ZNF821: variants seen among roughly 807,000 people sequenced by gnomAD.
ZNF821 encodes zinc finger protein 821.
In ZNF821, 16 loss-of-function variants were observed where a neutral mutation model predicts 44.3. That is an observed-to-expected ratio of 0.36 (90% CI 0.24 to 0.55). The LOEUF is 0.55. ZNF821 is among the 20% of genes least tolerant of loss of function. ZNF821 has a pLI of 0.86. For missense variants in ZNF821, 436 were observed against 547.6 expected, an observed-to-expected ratio of 0.80 and a Z score of 2.03; for synonymous variants, 204 against 197.6, an observed-to-expected ratio of 1.03 and a Z score of -0.27.
intron 3 of ZNF821, among the ~76,000 whole-genome samples, chr16:71,878,288 T>C (rs1218125722): frequency 6.6e-6 from 1 of 151,850 alleles, no homozygotes; most frequent in Non-Finnish European, 1.5e-5. Flanking sequence ...ATTTTTTTTG[T>C]ATTTTTAGTG....
intron 3 of ZNF821, among the ~76,000 whole-genome samples, chr16:71,879,593 A>G (rs558751284): frequency 6.6e-6 from 1 of 152,270 alleles, no homozygotes; most frequent in African/African-American, 2.4e-5. Context: ...GACATCTAGC[A>G]CAAGGATCTG....
intron 2 of ZNF821, 191 bp downstream of exon 2, chr16:71,883,020 T>C (rs2036588908): frequency 2.3e-6 from 1 of 433,188 alleles, no homozygotes; most frequent in Non-Finnish European, 4.6e-6. Flanking sequence ...GGATTCCATT[T>C]TAAAAGGAAA....
At chr16:71,885,513 G>T, upstream of ZNF821, 1 of 152,238 alleles carries the variant, frequency 6.6e-6, no homozygotes, top group East Asian at 1.9e-4. Flanking sequence ...TCATGCAAAT[G>T]TTTTTCGTGA....
chr16:71,861,664 T>C (rs968545356), intron 7 of ZNF821, 112 bp downstream of exon 7: 2 of 1,267,308 alleles, frequency 1.6e-6, no homozygotes, highest in Non-Finnish European at 2.2e-6. Flanking sequence ...CCAAGGAGCA[T>C]GCATCAGCTG....
chr16:71,878,470 A>C (rs2036086414), intron 3 of ZNF821, among the ~76,000 whole-genome samples: 1 of 152,124 alleles, frequency 6.6e-6, no homozygotes, highest in Admixed American at 6.5e-5. Context: ...TTCCCAGATA[A>C]TAGGAAAATG....
intron 1 of ZNF821, among the ~76,000 whole-genome samples, chr16:71,893,029 C>CCTTTTTTTTTT (rs2036898813): frequency 1.5e-5 from 1 of 65,908 alleles, no homozygotes; most frequent in Non-Finnish European, 2.6e-5. Context: ...CCCTGCCTGG[C>CCTTTTTTTTTT]TTTTTTTTTT....
rs1281381329 is a variant in ZNF821 at position 71,880,039 on chromosome 16, T to C, written c.-77-16A>G. On this transcript the variant is annotated splice_polypyrimidine_tract_variant and intron_variant, in intron 2 of 7. Coordinates refer to ENST00000425432, the MANE Select transcript of ZNF821 (RefSeq NM_001201552.2). ...AGATGCTAACCTGCAATAAAAAAGG[T>C]TATTGTTAGCACATGTCATTTTCCC... 3.2e-6 allele frequency: 4 copies of C among 1,263,524 alleles called. No homozygotes were observed. In the East Asian group the frequency reaches 9.8e-5, roughly 31 times the overall value. 78.3% of individuals were successfully genotyped at this position (1,263,524 alleles called of 1,614,324 possible). A position where few individuals can be genotyped will look rare whatever the true frequency, so the allele number is the denominator to read the frequency against.
intron 3 of ZNF821, among the ~76,000 whole-genome samples, chr16:71,870,731 C>T (rs999550782): frequency 2.6e-5 from 4 of 152,130 alleles, no homozygotes; most frequent in Non-Finnish European, 5.9e-5. Context: ...CCTCCCGCCT[C>T]GGCCTCCCAA....
At chr16:71,865,337 TATCTCA>T (rs2034417916) in intron 4 of ZNF821, among the ~76,000 whole-genome samples, 1 of 152,162 alleles carries the variant, frequency 6.6e-6, no homozygotes, top group African/African-American at 2.4e-5. Context: ...GGTTTTCAAA[TATCTCA>T]CACTTCAAAT....
At chr16:71,891,173 T>C (rs1025367433) in intron 1 of ZNF821, among the ~76,000 whole-genome samples, 1 of 152,218 alleles carries the variant, frequency 6.6e-6, no homozygotes, top group Non-Finnish European at 1.5e-5. Flanking sequence ...AGGCCTGTTA[T>C]AGATTCTTAT....
intron 1 of ZNF821, chr16:71,894,232 G>A (rs1486519253): frequency 6.6e-6 from 1 of 152,148 alleles, no homozygotes; most frequent in Non-Finnish European, 1.5e-5. Flanking sequence ...GCAGGGAGCA[G>A]ATGACTTCCT....
chr16:71,879,601 C>G (rs952880823), intron 3 of ZNF821, among the ~76,000 whole-genome samples: 6 of 152,122 alleles, frequency 3.9e-5, no homozygotes, highest in Non-Finnish European at 7.4e-5. Flanking sequence ...GCACAAGGAT[C>G]TGCAGAGAGT....
chr16:71,893,772 CTTT>C (rs58034283), intron 1 of ZNF821, among the ~76,000 whole-genome samples: 1 of 141,818 alleles, frequency 7.1e-6, no homozygotes, highest in Non-Finnish European at 1.6e-5. Context: ...AAAATCTGCA[CTTT>C]TTTTTTTTTT....
At position 71,882,541 on chromosome 16, in the gene ZNF821, A is replaced by G. The variant is rs1215517026; in HGVS notation, c.-78+670T>C. On this transcript the variant is annotated intron_variant, in intron 2 of 7. Coordinates refer to ENST00000425432, the MANE Select transcript of ZNF821 (RefSeq NM_001201552.2). ...AAAAGACAGAGATGAGTGTCTGCGT[A>G]TTTAAATCAGCAATGCCCGCTGCAT... is the stretch of plus-strand genomic sequence containing the variant. Among the ~76,000 whole-genome samples the G allele has an allele frequency of 3.3e-5, 5 of 152,334 alleles. No homozygotes were observed. The East Asian group carries it at 9.6e-4, about 29-fold the overall frequency.
At chr16:71,870,105 T>C (rs937989959) in intron 3 of ZNF821, among the ~76,000 whole-genome samples, 2 of 152,160 alleles carry the variant, frequency 1.3e-5, no homozygotes, top group African/African-American at 2.4e-5. Context: ...ACAACTCAAA[T>C]AGCAAAATTA....
chr16:71,875,394 G>A (rs1054187074), intron 3 of ZNF821, among the ~76,000 whole-genome samples: 2 of 151,562 alleles, frequency 1.3e-5, no homozygotes, highest in African/African-American at 4.9e-5. Context: ...TGATTCTCCC[G>A]TGTTAGTCTC....
At chr16:71,879,856 A>G (rs2036245742) in intron 3 of ZNF821, 51 bp downstream of exon 3, 2 of 1,576,318 alleles carry the variant, frequency 1.3e-6, no homozygotes, top group Middle Eastern at 1.7e-4. Flanking sequence ...TTACTCTTCC[A>G]TTCCACCCCT....
exon 1 of ZNF821, chr16:71,895,220 CCGTGGGCG>C: frequency 5.7e-6 from 1 of 175,668 alleles, no homozygotes; most frequent in Non-Finnish European, 1.2e-5. Flanking sequence ...CGCGGTGAGG[CCGTGGGCG>C]CAGAGTCCGA....
chr16:71,864,436 T>C (rs1356620796), intron 5 of ZNF821, among the ~76,000 whole-genome samples, 194 bp from the exon 6 acceptor site: 2 of 152,170 alleles, frequency 1.3e-5, no homozygotes, highest in African/African-American at 4.8e-5. Flanking sequence ...GGACACAGGA[T>C]TGCCTCAGAG....
Sources: allele counts gnomAD v4.1 joint callset (sites outside exome capture counted in the v4.1 genomes callset), GRCh38; gene constraint gnomAD v4.1.1; transcripts MANE v1.5; gene names NCBI Gene and HGNC (gene_info 2026-07-23, HGNC 2026-07-21).